The following DMD variants were observed in gnomAD, a reference collection of about 807,000 sequenced individuals.
DMD encodes dystrophin.
A neutral mutation model predicts 330.1 loss-of-function variants in DMD; 63 were observed. The observed-to-expected ratio is 0.19, with a 90% confidence interval of 0.16 to 0.24. The LOEUF is 0.24. Among genes scored for constraint, DMD ranks in the 10% least tolerant of loss-of-function variants. The probability of loss-of-function intolerance (pLI) is 1.00; values close to 1 mark genes in which losing one functional copy is unlikely to be tolerated. For synonymous variants in DMD, 1,223 were observed against 959.8 expected, an observed-to-expected ratio of 1.27 and a Z score of -5.07; for missense variants, 3,344 against 2,684.1, an observed-to-expected ratio of 1.25 and a Z score of -5.43.
chrX:32,449,842 G>T (rs1265307914), intron 26 of DMD, among the ~76,000 whole-genome samples: 2 of 110,301 alleles, frequency 1.8e-5, no homozygotes, highest in Admixed American at 1.9e-4. Context: ...GTTTATTTAT[G>T]TGTGCCATGT....
intron 44 of DMD, among the ~76,000 whole-genome samples, chrX:31,977,844 A>C (rs2095447538): frequency 9.1e-6 from 1 of 110,113 alleles, no homozygotes; most frequent in Non-Finnish European, 1.9e-5. Flanking sequence ...TTATCAGTAC[A>C]TTGTACAATA....
intron 1 of DMD, among the ~76,000 whole-genome samples, chrX:33,300,280 T>C (rs2053643153): frequency 8.9e-6 from 1 of 112,468 alleles, no homozygotes; most frequent in South Asian, 3.6e-4. Context: ...AGAATGCTTG[T>C]ACTAGTTTAA....
At chrX:32,030,047 G>A (rs2095872819) in intron 44 of DMD, among the ~76,000 whole-genome samples, 1 of 111,928 alleles carries the variant, frequency 8.9e-6, no homozygotes, top group African/African-American at 3.2e-5. Flanking sequence ...AGGAGATGAC[G>A]GAGTTATGAA....
At chrX:33,332,951 C>T (rs758220096) in intron 1 of DMD, among the ~76,000 whole-genome samples, 1 of 110,893 alleles carries the variant, frequency 9.0e-6, no homozygotes, top group East Asian at 2.8e-4. Context: ...TCATAATTCC[C>T]TGAGAAGCTC....
chrX:33,093,169 C>G (rs1445036219), intron 1 of DMD, among the ~76,000 whole-genome samples: 1 of 112,283 alleles, frequency 8.9e-6, no homozygotes, highest in Non-Finnish European at 1.9e-5. Context: ...GCCACTGTGC[C>G]CAGCCTGTAA....
chrX:31,123,995 G>A (rs2033244200), intron 78 of DMD, among the ~76,000 whole-genome samples: 1 of 111,825 alleles, frequency 8.9e-6, no homozygotes, highest in Admixed American at 9.5e-5. Flanking sequence ...CCTTGAAATG[G>A]TGTTCAGTTA....
At chrX:32,599,298 G>T (rs1270788927) in intron 12 of DMD, among the ~76,000 whole-genome samples, 1 of 111,524 alleles carries the variant, frequency 9.0e-6, no homozygotes, top group Non-Finnish European at 1.9e-5. Flanking sequence ...TAGCAGAAAC[G>T]CCAGACATAA....
chrX:33,150,995 T>G (rs780367063), intron 1 of DMD, among the ~76,000 whole-genome samples: 1 of 111,987 alleles, frequency 8.9e-6, no homozygotes, highest in East Asian at 2.8e-4. Context: ...ATTTTAAAAC[T>G]ATATACCAGA....
At chrX:32,639,913 A>C (rs1379592662) in intron 11 of DMD, among the ~76,000 whole-genome samples, 1 of 110,550 alleles carries the variant, frequency 9.0e-6, no homozygotes, top group Non-Finnish European at 1.9e-5. Context: ...AAAAACATCT[A>C]TGAGGGTCAG....
Position 31,724,894 on chromosome X carries a change from T to C in DMD, c.7660+4737A>G, listed in dbSNP as rs190196984. On this transcript the variant is annotated intron_variant, in intron 52 of 78. Transcript: ENST00000357033. ...CTAAGGTTACACAGCTAATAGATCA[T>C]TGGGGTCCACTAGTCTGTACATCTC... Among the ~76,000 whole-genome samples, 8 of 112,248 alleles carry C rather than the reference T, an allele frequency of 7.1e-5. No individual in the cohort carries two copies. The East Asian group carries it at 2.2e-3, about 31-fold the overall frequency.
At chrX:31,924,248 T>C (rs907130106) in intron 47 of DMD, among the ~76,000 whole-genome samples, 2 of 111,911 alleles carry the variant, frequency 1.8e-5, no homozygotes, top group Non-Finnish European at 3.8e-5. Context: ...TGATAGGAAA[T>C]TGATTGGACA....
At chrX:32,231,304 G>A (rs1199772151) in intron 43 of DMD, among the ~76,000 whole-genome samples, 1 of 112,274 alleles carries the variant, frequency 8.9e-6, no homozygotes, top group Non-Finnish European at 1.9e-5. Flanking sequence ...GCAATTTCGT[G>A]TTATCTTCCC....
intron 2 of DMD, among the ~76,000 whole-genome samples, chrX:32,985,544 A>G (rs2092821967): frequency 8.9e-6 from 1 of 112,104 alleles, no homozygotes. Context: ...AATCATATTT[A>G]GAATCCAAGT....
chrX:31,847,704 A>G (rs761643771), intron 48 of DMD, among the ~76,000 whole-genome samples: 50 of 112,138 alleles, frequency 4.5e-4, no homozygotes, highest in African/African-American at 1.5e-3. Flanking sequence ...AAACAACTCC[A>G]AAGAAACCAC....
At chrX:31,622,599 C>G (rs2078596497) in intron 55 of DMD, among the ~76,000 whole-genome samples, 2 of 109,481 alleles carry the variant, frequency 1.8e-5, no homozygotes, top group South Asian at 8.0e-4. Flanking sequence ...TGTTAGGACA[C>G]AGAGAGAAGG....
At chrX:32,735,921 C>A (rs942955221) in intron 7 of DMD, among the ~76,000 whole-genome samples, 4 of 112,002 alleles carry the variant, frequency 3.6e-5, no homozygotes, top group Middle Eastern at 4.6e-3. Flanking sequence ...CAAATGGGAT[C>A]TCGTTAAACT....
chrX:32,631,913 C>G (rs1030197749), intron 11 of DMD, among the ~76,000 whole-genome samples: 1 of 111,226 alleles, frequency 9.0e-6, no homozygotes, highest in African/African-American at 3.3e-5. Context: ...CCTGGCCCCT[C>G]CCAAATCTCA....
At chrX:32,989,091 T>C (rs778276556) in intron 2 of DMD, among the ~76,000 whole-genome samples, 1 of 111,284 alleles carries the variant, frequency 9.0e-6, no homozygotes, top group Non-Finnish European at 1.9e-5. Flanking sequence ...TATACCAGGG[T>C]AGGGTACTAT....
intron 2 of DMD, among the ~76,000 whole-genome samples, chrX:32,934,044 T>G (rs1304649161): frequency 8.9e-6 from 1 of 111,869 alleles, no homozygotes; most frequent in East Asian, 2.8e-4. Context: ...AATCCACTTC[T>G]TGATAAAGAT....
Sources: gnomAD v4.1 joint callset for allele counts (sites outside exome capture counted in the v4.1 genomes callset) on GRCh38, gnomAD v4.1.1 for gene constraint, MANE v1.5 for transcripts, NCBI Gene and HGNC (gene_info 2026-07-23, HGNC 2026-07-21) for gene names.